The following PDE1A variants were observed in gnomAD, a reference collection of about 807,000 sequenced individuals.
PDE1A encodes dual specificity calcium/calmodulin-dependent 3',5'-cyclic nucleotide phosphodiesterase 1A.
In PDE1A, 35 loss-of-function variants were observed where a neutral mutation model predicts 61.7. The ratio of observed to expected loss-of-function variants is 0.57; its 90% confidence interval spans 0.43 to 0.75. The LOEUF (loss-of-function observed/expected upper bound fraction) is 0.75, where lower values mean the gene tolerates loss of function less well. PDE1A is among the 30% of genes least tolerant of loss of function. The pLI, the probability that PDE1A is intolerant of heterozygous loss-of-function variation, is 0.00. For synonymous variants in PDE1A, 232 were observed against 213.2 expected (o/e 1.09, Z -0.77); for missense variants, 597 against 630.6 (o/e 0.95, Z 0.57).
At chr2:182,438,886 A>G (rs1444668716) in intron 2 of PDE1A, among the ~76,000 whole-genome samples, 1 of 152,108 alleles carries the variant, frequency 6.6e-6, no homozygotes, top group South Asian at 2.1e-4. Flanking sequence ...ACAATGTAGA[A>G]AATATTTTTT....
chr2:182,691,201 A>G, the PDE1A span, among the ~76,000 whole-genome samples: 8 of 152,188 alleles, frequency 5.3e-5, no homozygotes, highest in African/African-American at 1.9e-4. Flanking sequence ...TATGGGACCA[A>G]AAAAGAGCCC....
chr2:182,431,227 C>T (rs185644714), upstream of PDE1A, among the ~76,000 whole-genome samples: 57 of 151,708 alleles, frequency 3.8e-4, no homozygotes, highest in Non-Finnish European at 7.4e-4. Flanking sequence ...ACCTCACACA[C>T]CTAAACTCCA....
the PDE1A span, among the ~76,000 whole-genome samples, chr2:182,679,569 A>G: frequency 6.6e-6 from 1 of 152,112 alleles, no homozygotes; most frequent in Non-Finnish European, 1.5e-5. Context: ...ACCCACAAAT[A>G]TGTACAATTA....
At chr2:182,511,436 C>T (rs112500170) in intron 2 of PDE1A, among the ~76,000 whole-genome samples, 1,826 of 152,190 alleles carry the variant, frequency 0.012, 40 homozygotes, top group African/African-American at 0.042. Context: ...TGGGGAGTGG[C>T]CCACTCTCAC....
At chr2:182,181,297 T>C (rs1684739616) in intron 13 of PDE1A, among the ~76,000 whole-genome samples, 2 of 152,128 alleles carry the variant, frequency 1.3e-5, no homozygotes, top group Non-Finnish European at 2.9e-5. Flanking sequence ...TGTTGATGCT[T>C]TTGTTGTTGT....
At chr2:182,224,980 TAAAAC>T (rs1015205804) in intron 6 of PDE1A, among the ~76,000 whole-genome samples, 27 of 151,876 alleles carry the variant, frequency 1.8e-4, no homozygotes, top group African/African-American at 6.0e-4. Context: ...TCTGTACACT[TAAAAC>T]AATAAAAGAC....
the PDE1A span, among the ~76,000 whole-genome samples, chr2:182,644,378 G>T: frequency 6.6e-6 from 1 of 151,208 alleles, no homozygotes. Context: ...GTTTGGGATG[G>T]TGGTTTCTAG....
chr2:182,263,785 C>T (rs1692403013), intron 2 of PDE1A, among the ~76,000 whole-genome samples: 2 of 152,280 alleles, frequency 1.3e-5, no homozygotes, highest in South Asian at 4.2e-4. Context: ...TCCTAATCTC[C>T]TTACAACTGC....
chr2:182,212,756 G>A (rs9711065), intron 7 of PDE1A, among the ~76,000 whole-genome samples: 31,347 of 152,194 alleles, frequency 0.21, 3,461 homozygotes, highest in East Asian at 0.32. Flanking sequence ...CACCTGGCTC[G>A]GAGGGTCCTA....
chr2:182,579,852 T>C, the PDE1A span, among the ~76,000 whole-genome samples: 8 of 152,228 alleles, frequency 5.3e-5, no homozygotes, highest in South Asian at 1.7e-3. Flanking sequence ...GAAACACAAA[T>C]GGAGGGCATT....
intron 1 of PDE1A, among the ~76,000 whole-genome samples, chr2:182,420,126 A>T (rs1369815408): frequency 6.6e-6 from 1 of 152,112 alleles, no homozygotes; most frequent in Non-Finnish European, 1.5e-5. Context: ...GCTGTTAGAA[A>T]TAATAATTGG....
chr2:182,610,672 AAAG>A, the PDE1A span, among the ~76,000 whole-genome samples: 2 of 152,218 alleles, frequency 1.3e-5, no homozygotes, highest in African/African-American at 4.8e-5. Flanking sequence ...TAAAAACAAA[AAAG>A]AGAATAAAAA....
chr2:182,623,769 T>C, the PDE1A span, among the ~76,000 whole-genome samples: 2,259 of 152,298 alleles, frequency 0.015, 51 homozygotes, highest in African/African-American at 0.051. Context: ...TATTATTTAA[T>C]GAAACACCGT....
chr2:182,191,851 T>TA (rs1685720519), intron 10 of PDE1A, among the ~76,000 whole-genome samples: 1 of 151,082 alleles, frequency 6.6e-6, no homozygotes, highest in Non-Finnish European at 1.5e-5. Flanking sequence ...ACTTTCTTTT[T>TA]TTTTTTATTT....
At chr2:182,710,352 G>A in the PDE1A span, among the ~76,000 whole-genome samples, 1 of 152,164 alleles carries the variant, frequency 6.6e-6, no homozygotes, top group Admixed American at 6.5e-5. Context: ...ATGTGTGTGT[G>A]CATGTGTGCA....
At chr2:182,671,196 T>A in the PDE1A span, among the ~76,000 whole-genome samples, 3 of 149,768 alleles carry the variant, frequency 2.0e-5, no homozygotes, top group Admixed American at 6.6e-5. Context: ...TTTGAGACGG[T>A]GTTCTCGCTC....
intron 13 of PDE1A, among the ~76,000 whole-genome samples, chr2:182,159,957 TA>T (rs1048545856): frequency 2.0e-5 from 3 of 151,992 alleles, no homozygotes; most frequent in East Asian, 1.9e-4. Context: ...TGTCTCAAAT[TA>T]AAAAAAAGAA....
the PDE1A span, among the ~76,000 whole-genome samples, chr2:182,548,958 T>G: frequency 1.3e-5 from 2 of 152,348 alleles, no homozygotes; most frequent in Non-Finnish European, 2.9e-5. Flanking sequence ...GAGATGTGTT[T>G]AAGACGTTAA....
the PDE1A span, among the ~76,000 whole-genome samples, chr2:182,603,139 T>C: frequency 3.3e-5 from 5 of 152,322 alleles, no homozygotes; most frequent in South Asian, 4.1e-4. Flanking sequence ...ACCCAGTTCA[T>C]AGAATGACAA....
Sources: allele counts gnomAD v4.1 joint callset (sites outside exome capture counted in the v4.1 genomes callset), GRCh38; gene constraint gnomAD v4.1.1; transcripts MANE v1.5; gene names NCBI Gene and HGNC (gene_info 2026-07-23, HGNC 2026-07-21).